AUTS2: variants seen among roughly 807,000 people sequenced by gnomAD.
AUTS2 encodes activator of transcription and developmental regulator AUTS2, also known as autism susceptibility gene 2 protein.
In AUTS2, 17 loss-of-function variants were observed where a neutral mutation model predicts 112.4. That is an observed-to-expected ratio of 0.15 (90% CI 0.10 to 0.23). The LOEUF is 0.23. AUTS2 is among the 10% of genes least tolerant of loss of function. The pLI, the probability that AUTS2 is intolerant of heterozygous loss-of-function variation, is 1.00. For synonymous variants in AUTS2, 751 were observed against 702.7 expected (o/e 1.07, Z -1.09); for missense variants, 1,510 against 1,701.6 (o/e 0.89, Z 1.98).
chr7:69,635,583 G>A (rs1392988972), intron 1 of AUTS2, among the ~76,000 whole-genome samples: 6 of 152,142 alleles, frequency 3.9e-5, no homozygotes, highest in Non-Finnish European at 7.3e-5. Context: ...CTAATTCAGC[G>A]TCCTGTCTCT....
At chr7:70,385,119 A>C (rs1170359667) in intron 4 of AUTS2, among the ~76,000 whole-genome samples, 2 of 152,194 alleles carry the variant, frequency 1.3e-5, no homozygotes. Context: ...CATGTTCTGC[A>C]TTCCTGTTGT....
intron 1 of AUTS2, among the ~76,000 whole-genome samples, chr7:69,896,054 C>T (rs1025596237): frequency 3.3e-5 from 5 of 152,216 alleles, no homozygotes; most frequent in African/African-American, 1.2e-4. Context: ...ATGGAACTCA[C>T]CTGGCTCCCT....
At chr7:69,829,488 A>C (rs895631969) in intron 1 of AUTS2, among the ~76,000 whole-genome samples, 1 of 152,192 alleles carries the variant, frequency 6.6e-6, no homozygotes, top group Non-Finnish European at 1.5e-5. Flanking sequence ...TTTGCAATCC[A>C]TCTGACAAAG....
intron 1 of AUTS2, among the ~76,000 whole-genome samples, chr7:69,713,397 A>G (rs1171265289): frequency 6.6e-6 from 1 of 151,578 alleles, no homozygotes; most frequent in Non-Finnish European, 1.5e-5. Context: ...CTGTTGACCA[A>G]TCTCTCTTAT....
At chr7:70,713,505 G>GTCT (rs763436526) in intron 6 of AUTS2, among the ~76,000 whole-genome samples, 6 of 152,286 alleles carry the variant, frequency 3.9e-5, no homozygotes, top group Admixed American at 3.3e-4. Context: ...TTTTTCAGTT[G>GTCT]TCCTTCAAGA....
intron 4 of AUTS2, among the ~76,000 whole-genome samples, chr7:70,393,652 T>C (rs1339475337): frequency 6.6e-6 from 1 of 152,192 alleles, no homozygotes; most frequent in Non-Finnish European, 1.5e-5. Flanking sequence ...TGTGATGTTA[T>C]TGGGCTTCCT....
rs372329389 is a variant in AUTS2 at position 69,644,873 on chromosome 7, C to T, written c.309+44911C>T. Among the ~76,000 whole-genome samples the T allele has an allele frequency of 4.6e-5, 7 of 152,180 alleles. No individual in the cohort carries two copies. In the East Asian group the frequency reaches 7.7e-4, roughly 17 times the overall value. ...ATGGGAAAAGGAACCAAGAAAATCT[C>T]ACCATCTTTCTTCTGCTTGGCAGCA... is the stretch of plus-strand genomic sequence containing the variant. On this transcript the variant is annotated intron_variant, in intron 1 of 18. Transcript: ENST00000342771.
intron 6 of AUTS2, among the ~76,000 whole-genome samples, chr7:70,721,318 G>A (rs1157846953): frequency 1.4e-5 from 2 of 143,328 alleles, no homozygotes; most frequent in South Asian, 2.2e-4. Flanking sequence ...GTGTGTTTCC[G>A]ATGGAGTCTC....
intron 5 of AUTS2, among the ~76,000 whole-genome samples, chr7:70,548,554 A>G (rs993345387): frequency 1.3e-5 from 2 of 152,144 alleles, no homozygotes; most frequent in African/African-American, 2.4e-5. Context: ...ACATTCATCT[A>G]TGTGGCTGAG....
chr7:70,457,004 G>T (rs1444229338), intron 5 of AUTS2, among the ~76,000 whole-genome samples: 3 of 152,204 alleles, frequency 2.0e-5, no homozygotes, highest in Non-Finnish European at 4.4e-5. Context: ...CCCCAAGCAG[G>T]TGCTTGATCA....
chr7:70,596,904 G>A (rs984917232), intron 5 of AUTS2: 2 of 152,202 alleles, frequency 1.3e-5, no homozygotes, highest in South Asian at 2.1e-4. Context: ...TACTAACCAG[G>A]AAAATGAGTA....
chr7:69,695,690 T>G (rs572281880), intron 1 of AUTS2, among the ~76,000 whole-genome samples: 3 of 152,302 alleles, frequency 2.0e-5, no homozygotes, highest in Non-Finnish European at 4.4e-5. Context: ...TTTGCTATAT[T>G]TTAAGAGCAT....
intron 1 of AUTS2, among the ~76,000 whole-genome samples, chr7:69,808,006 C>T (rs990188222): frequency 3.4e-5 from 5 of 148,020 alleles, no homozygotes; most frequent in Non-Finnish European, 7.4e-5. Context: ...TGCAGTGGCA[C>T]GATCTCCCAG....
chr7:69,868,968 A>G (rs999223871), intron 1 of AUTS2, among the ~76,000 whole-genome samples: 2 of 152,176 alleles, frequency 1.3e-5, no homozygotes, highest in African/African-American at 4.8e-5. Flanking sequence ...GGTTCAGTGC[A>G]TACCTATAAT....
At chr7:70,080,417 T>G (rs770681815) in intron 2 of AUTS2, among the ~76,000 whole-genome samples, 6 of 152,208 alleles carry the variant, frequency 3.9e-5, no homozygotes, top group Non-Finnish European at 1.5e-5. Context: ...CACTCATTCT[T>G]CAGGTACAAC....
chr7:69,608,167 C>T (rs1792830734), intron 1 of AUTS2, among the ~76,000 whole-genome samples: 1 of 152,134 alleles, frequency 6.6e-6, no homozygotes, highest in Non-Finnish European at 1.5e-5. Context: ...CTCCTGGGCT[C>T]AAGCAATCCA....
In AUTS2 at chr7:70,682,757, G is replaced by A. The variant is rs1394282602; in HGVS notation, c.691-15812G>A. Among the ~76,000 whole-genome samples the A allele has an allele frequency of 2.0e-5, 3 of 152,246 alleles. No individual in the cohort carries two copies. The East Asian group carries it at 5.8e-4, about 29-fold the overall frequency. On this transcript the variant is annotated intron_variant, in intron 5 of 18. Transcript: ENST00000342771. The stretch of plus-strand genomic sequence containing the variant: ...GGCTCTGCAGAGAAGCTTCCTCTCT[G>A]TTCCACATGGCATCTGCTAAGGCAA...
intron 4 of AUTS2, among the ~76,000 whole-genome samples, chr7:70,424,019 G>C (rs1795328878): frequency 6.6e-6 from 1 of 152,100 alleles, no homozygotes. Flanking sequence ...TGTCTTTCTG[G>C]CTGCTTTCAC....
chr7:70,282,205 C>T (rs1788250477), intron 4 of AUTS2, among the ~76,000 whole-genome samples: 1 of 152,142 alleles, frequency 6.6e-6, no homozygotes, highest in Non-Finnish European at 1.5e-5. Context: ...CCTTTTCTAG[C>T]ATGCACCTCA....
Sources: gnomAD v4.1 joint callset for allele counts (sites outside exome capture counted in the v4.1 genomes callset) on GRCh38, gnomAD v4.1.1 for gene constraint, MANE v1.5 for transcripts, NCBI Gene and HGNC (gene_info 2026-07-23, HGNC 2026-07-21) for gene names.